YWHAG: variants seen among roughly 807,000 people sequenced by gnomAD.
YWHAG encodes 14-3-3 protein gamma.
YWHAG carries 1 observed loss-of-function variant against 23.3 expected under a neutral mutation model. The observed-to-expected ratio is 0.04, with a 90% CI of 0.02 to 0.20. The LOEUF is 0.20. YWHAG is among the 10% of genes least tolerant of loss of function. The pLI, the probability that YWHAG is intolerant of heterozygous loss-of-function variation, is 1.00. For synonymous variants in YWHAG, 160 were observed against 144.0 expected, an observed-to-expected ratio of 1.11 and a Z score of -0.80; for missense variants, 151 against 338.6, an observed-to-expected ratio of 0.45 and a Z score of 4.35.
chr7:76,352,754 A>T (rs1803894893), intron 1 of YWHAG, among the ~76,000 whole-genome samples: 1 of 151,650 alleles, frequency 6.6e-6, no homozygotes, highest in Admixed American at 6.6e-5. Flanking sequence ...GGTTCAAGTG[A>T]TTCTCCTACC....
intron 1 of YWHAG, among the ~76,000 whole-genome samples, chr7:76,336,986 A>G (rs192932802): frequency 6.6e-6 from 1 of 152,322 alleles, no homozygotes; most frequent in East Asian, 1.9e-4. Flanking sequence ...TGGATAAACC[A>G]CTGCAAACGG....
chr7:76,342,358 C>T lies in YWHAG; in HGVS notation c.88-12125G>A, dbSNP rs180866181. On this transcript the variant is annotated intron_variant, in intron 1 of 1. Transcript: ENST00000307630. ...ATGCAGATAATCCACACCTTCCTCC[C>T]CAAACCAGCACTCCCTTCCTTCTTA... 9.3e-4 allele frequency among the ~76,000 whole-genome samples: 142 copies of T among 152,308 alleles called. 1 individual carries two copies. The highest frequency in any genetic ancestry group is 2.9e-3 in the Admixed American group (44 of 15,296).
intron 1 of YWHAG, among the ~76,000 whole-genome samples, chr7:76,331,349 C>T (rs1431493799): frequency 6.6e-6 from 1 of 151,978 alleles, no homozygotes; most frequent in African/African-American, 2.4e-5. Context: ...CCCCATTGTT[C>T]CGTGTTGATC....
At position 76,348,671 on chromosome 7, in the gene YWHAG, T is replaced by C. The variant is rs974040257; in HGVS notation, c.87+10051A>G. On this transcript the variant is annotated intron_variant, in intron 1 of 1. Transcript: ENST00000307630. ...CACCCACCTCAGCCTCCCAAAGTGC[T>C]GGGATTACAGGTGTGAGCCACCGCG... Among the ~76,000 whole-genome samples, 21 of 152,174 alleles carry C rather than the reference T, an allele frequency of 1.4e-4. 1 individual carries two copies. The East Asian group carries it at 3.5e-3, about 25-fold the overall frequency.
chr7:76,340,652 C>G (rs1248826500), intron 1 of YWHAG, among the ~76,000 whole-genome samples: 1 of 152,166 alleles, frequency 6.6e-6, no homozygotes, highest in Non-Finnish European at 1.5e-5. Context: ...GCTCCAAATC[C>G]CACATGCTTT....
chr7:76,339,057 A>T (rs1251158471), intron 1 of YWHAG, among the ~76,000 whole-genome samples: 1 of 152,250 alleles, frequency 6.6e-6, no homozygotes, highest in Non-Finnish European at 1.5e-5. Context: ...CAATCTTGAA[A>T]GCCAAGTTTT....
In YWHAG at chr7:76,327,727, T is replaced by C. The variant is rs1474970815; in HGVS notation, c.*1850A>G. 1 of 118,698 alleles carries C rather than the reference T, an allele frequency of 8.4e-6. No homozygotes were observed. The highest frequency in any genetic ancestry group is 1.2e-4 in the Admixed American group (1 of 8,678). The allele number at this position is 118,698 out of a possible 1,614,324, so 7.4% of individuals were successfully genotyped here. On this transcript the variant is annotated 3_prime_UTR_variant, in exon 2 of 2. Transcript: ENST00000307630. ...TCCCATGGCAATGACTTTAGGCGCC[T>C]GTGAGAGGCACAAAAGCGGCAAAGC...
chr7:76,346,969 T>C (rs993610883), intron 1 of YWHAG, among the ~76,000 whole-genome samples: 2 of 152,014 alleles, frequency 1.3e-5, no homozygotes, highest in African/African-American at 4.8e-5. Flanking sequence ...ACGCCACCAG[T>C]TCTCCTTTTC....
intron 1 of YWHAG, among the ~76,000 whole-genome samples, chr7:76,333,545 G>A (rs1041808033): frequency 1.3e-5 from 2 of 152,116 alleles, no homozygotes; most frequent in Admixed American, 6.6e-5. Context: ...TTCCTGTATC[G>A]AGTGTCTCTT....
At chr7:76,341,404 C>CAAAAAAA (rs1158151013) in intron 1 of YWHAG, among the ~76,000 whole-genome samples, 5 of 44,650 alleles carry the variant, frequency 1.1e-4, no homozygotes, top group Admixed American at 3.6e-4. Context: ...ACTCTTGCCT[C>CAAAAAAA]AAAAAAAAAA....
chr7:76,351,124 G>T (rs1397104244), intron 1 of YWHAG, among the ~76,000 whole-genome samples: 2 of 152,010 alleles, frequency 1.3e-5, no homozygotes, highest in Admixed American at 6.6e-5. Flanking sequence ...AATCATTATG[G>T]TGATTCTTCT....
intron 1 of YWHAG, among the ~76,000 whole-genome samples, chr7:76,332,446 T>C (rs1483995487): frequency 1.3e-5 from 2 of 152,224 alleles, no homozygotes; most frequent in African/African-American, 4.8e-5. Flanking sequence ...TGGGCTTTGG[T>C]TTTCTTATCT....
rs958337642 is a variant in YWHAG, at chr7:76,327,165, A to G, written c.*2412T>C. The G allele has an allele frequency of 6.6e-6, 1 of 152,244 alleles. No individual in the cohort carries two copies. The highest frequency in any genetic ancestry group is 1.5e-5 in the Non-Finnish European group (1 of 68,020). 9.4% of individuals were successfully genotyped at this position (152,244 alleles called of 1,614,324 possible). ...CTATAGCAACATCCAAAACAGATCA[A>G]TTTGTTACAATCACTATTTGGTAGA... is the stretch of plus-strand genomic sequence containing the variant. On this transcript the variant is annotated 3_prime_UTR_variant, in exon 2 of 2. Coordinates refer to ENST00000307630, the MANE Select transcript of YWHAG (RefSeq NM_012479.4).
chr7:76,329,527 T>G lies in YWHAG; in HGVS notation c.*50A>C. The stretch of plus-strand genomic sequence containing the variant: ...CGACCCCCAACTCATGGGAAAAAAA[T>G]AAAGACTGCAGTAGTAGCATCCGCG... On this transcript the variant is annotated 3_prime_UTR_variant, in exon 2 of 2. Coordinates refer to ENST00000307630, the MANE Select transcript of YWHAG (RefSeq NM_012479.4). This position sits in a 1 kb window ranked among gnomAD's most constrained non-coding sequence, Gnocchi z 6.1. 1 of 854,104 alleles carries G rather than the reference T, an allele frequency of 1.2e-6. No homozygotes were observed. The highest frequency in any genetic ancestry group is 1.7e-6 in the Non-Finnish European group (1 of 604,374). 52.9% of individuals were successfully genotyped at this position (854,104 alleles called of 1,614,324 possible).
rs2115586426 is a variant in YWHAG, at chr7:76,329,377, C to T, written c.*200G>A. ...CCAGTGTGAGGCTGCTATTCCAATA[C>T]CAGCACAGCTAGCCTGACTTTCCAC... On this transcript the variant is annotated 3_prime_UTR_variant, in exon 2 of 2. Coordinates refer to ENST00000307630, the MANE Select transcript of YWHAG (RefSeq NM_012479.4). The surrounding 1 kb of genome is among the most constrained non-coding windows in gnomAD (Gnocchi z 6.1). 2 of 638,686 alleles carry T rather than the reference C, an allele frequency of 3.1e-6. No homozygotes were observed. Among genetic ancestry groups the T allele is most frequent in the South Asian group, 2.1e-5 (1 of 48,492 alleles). The allele number at this position is 638,686 out of a possible 1,614,324, so 39.6% of individuals were successfully genotyped here. A position where few individuals can be genotyped will look rare whatever the true frequency, so the allele number is the denominator to read the frequency against.
At chr7:76,348,652 C>G (rs1296343478) in intron 1 of YWHAG, among the ~76,000 whole-genome samples, 1 of 152,052 alleles carries the variant, frequency 6.6e-6, no homozygotes, top group African/African-American at 2.4e-5. Context: ...GATGCACCCA[C>G]CTCAGCCTCC....
In YWHAG at chr7:76,328,216, T is replaced by C. The variant is rs1803482193; in HGVS notation, c.*1361A>G. 2.0e-5 allele frequency: 3 copies of C among 152,164 alleles called. No homozygotes were observed. The South Asian group carries it at 6.2e-4, about 32-fold the overall frequency. The allele number at this position is 152,164 out of a possible 1,614,324, so 9.4% of individuals were successfully genotyped here. On this transcript the variant is annotated 3_prime_UTR_variant, in exon 2 of 2. Coordinates refer to ENST00000307630, the MANE Select transcript of YWHAG (RefSeq NM_012479.4). Reference sequence around the variant, plus strand: ...GAAATAGCAACGTTGTTTCCGTCAATTCCAAATGTGCACTGGCTGCGTGAG... The same window carrying C: ...GAAATAGCAACGTTGTTTCCGTCAACTCCAAATGTGCACTGGCTGCGTGAG...
intron 1 of YWHAG, among the ~76,000 whole-genome samples, chr7:76,352,318 A>C (rs1000824473): frequency 6.6e-6 from 1 of 152,086 alleles, no homozygotes; most frequent in Non-Finnish European, 1.5e-5. Context: ...TCGCTCCCTT[A>C]GCCATTCCTC....
In YWHAG at chr7:76,341,450, A is replaced by G. The variant is rs28820025; in HGVS notation, c.88-11217T>C. Among the ~76,000 whole-genome samples the G allele has an allele frequency of 2.4e-3, 351 of 148,600 alleles. 4 individuals are homozygous for G. The highest frequency in any genetic ancestry group is 0.015 in the South Asian group (71 of 4,722). On this transcript the variant is annotated intron_variant, in intron 1 of 1. Transcript: ENST00000307630. ...AAAAAAGAGAAATCTTGTAATGTTC[A>G]CAGCAACGTTAGTCCTAAGAGCCAA...
Sources: allele counts gnomAD v4.1 joint callset (sites outside exome capture counted in the v4.1 genomes callset), GRCh38; gene constraint gnomAD v4.1.1; non-coding constraint Gnocchi (gnomAD v3.1); transcripts MANE v1.5; gene names NCBI Gene and HGNC (gene_info 2026-07-23, HGNC 2026-07-21).